RBSN: variants seen among roughly 807,000 people sequenced by gnomAD.
The protein encoded by RBSN is rabenosyn, RAB effector.
Under a neutral mutation model 60.5 loss-of-function variants are expected in RBSN, and 34 were observed. The observed-to-expected ratio is 0.56, with a 90% CI of 0.43 to 0.75. RBSN has a LOEUF of 0.75. RBSN is among the 30% of genes least tolerant of loss of function. The probability of loss-of-function intolerance (pLI) is 0.00; values close to 1 mark genes in which losing one functional copy is unlikely to be tolerated. For missense variants in RBSN, 845 were observed against 986.8 expected (o/e 0.86, Z 1.92); for synonymous variants, 322 against 366.9 (o/e 0.88, Z 1.40).
chr3:15,098,633 A>G (rs2043739316), intron 1 of RBSN, among the ~76,000 whole-genome samples: 1 of 152,230 alleles, frequency 6.6e-6, no homozygotes, highest in Non-Finnish European at 1.5e-5. Flanking sequence ...ACATCGCATG[A>G]CCACACACAA....
chr3:15,077,968 C>A lies in RBSN; in HGVS notation c.998+107G>T. ...TCCTTGCCCTCCTCCTCACCCACTG[C>A]CCCATCACCAGAAGTCTGAGTGAGT... On this transcript the variant is annotated intron_variant, in intron 11 of 13. Transcript: ENST00000253699. This position sits in a 1 kb window ranked among gnomAD's most constrained non-coding sequence, Gnocchi z 4.4. 1.1e-6 allele frequency: 1 copy of A among 942,250 alleles called. No individual in the cohort carries two copies. The allele number at this position is 942,250 out of a possible 1,614,324, so 58.4% of individuals were successfully genotyped here. A position where few individuals can be genotyped will look rare whatever the true frequency, so the allele number is the denominator to read the frequency against.
chr3:15,074,625 G>A lies in RBSN; in HGVS notation c.1512C>T (p.Ala504=). The A allele has an allele frequency of 6.2e-7, 1 of 1,614,272 alleles. No individual in the cohort carries two copies. Among genetic ancestry groups the A allele is most frequent in the Non-Finnish European group, 8.5e-7 (1 of 1,180,050 alleles). The change falls in exon 14 of 14, where the codon GCC becomes GCT. Residue 504 remains alanine (A), a synonymous_variant. Transcript: ENST00000253699. This position sits in a 1 kb window ranked among gnomAD's most constrained non-coding sequence, Gnocchi z 6.4. ...DEYDQQQTEK[A]IELSRRQAEE... ...CAGCCTGCCTCCGGGACAGCTCGATGGCCTTCTCTGTCTGCTGCTGGTCAT... is the reference window on the plus strand; with the variant it reads ...CAGCCTGCCTCCGGGACAGCTCGATAGCCTTCTCTGTCTGCTGCTGGTCAT...
rs1298585908 is a variant in RBSN at position 15,090,412 on chromosome 3, T to C, written c.276A>G (p.Glu92=). Residue 92 remains glutamate (E), a synonymous_variant, in exon 5 of 14, where the codon GAA becomes GAG. Transcript: ENST00000253699. ...GAATTTTCTTACCAAGCTCCTGGGG[T>C]TCCCACATGTAAGGATCAACCCCTC... ...SYGGVDPYMW[E]PQELGAVRSH... 1.9e-6 allele frequency: 3 copies of C among 1,612,976 alleles called. No homozygotes were observed. The highest frequency in any genetic ancestry group is 1.3e-5 in the African/African-American group (1 of 74,848).
intron 5 of RBSN, among the ~76,000 whole-genome samples, chr3:15,088,095 GA>G (rs1341454472): frequency 1.3e-5 from 2 of 152,312 alleles, no homozygotes; most frequent in African/African-American, 4.8e-5. Flanking sequence ...AACTTAATCA[GA>G]AAATCACCCT....
At chr3:15,083,463 C>T (rs1381896973) in intron 8 of RBSN, among the ~76,000 whole-genome samples, 8 of 152,318 alleles carry the variant, frequency 5.3e-5, no homozygotes, top group South Asian at 2.1e-4. Flanking sequence ...GCAACTTCTA[C>T]TCAGCTTGGT....
In RBSN at chr3:15,073,976, C is replaced by G; in HGVS notation, c.2161G>C (p.Glu721Gln). The G allele has an allele frequency of 6.2e-7, 1 of 1,614,032 alleles. No homozygotes were observed. Among genetic ancestry groups the G allele is most frequent in the Non-Finnish European group, 8.5e-7 (1 of 1,179,998 alleles). ...TCTGGCCCACTGTCACTGTCCATCT[C>G]AAAGGGGTTGATACAGGTGGGTTCC... is the stretch of plus-strand genomic sequence containing the variant. ...FEEPTCINPF[E>Q]MDSDSGPEAE... The change falls in exon 14 of 14, where the codon GAG becomes CAG. Residue 721 changes from glutamate (E) to glutamine (Q), a missense_variant. Transcript: ENST00000253699.
intron 4 of RBSN, 50 bp from the exon 5 acceptor site, chr3:15,090,589 A>G (rs750527626): frequency 8.2e-6 from 13 of 1,576,046 alleles, no homozygotes; most frequent in East Asian, 2.2e-5. Flanking sequence ...AACACCCAGT[A>G]AACAGTCAAA....
intron 12 of RBSN, 68 bp downstream of exon 12, chr3:15,076,994 G>A: frequency 7.4e-7 from 1 of 1,343,770 alleles, no homozygotes. Context: ...GCATGGATCT[G>A]CCTCCTGGGA....
Position 15,082,677 on chromosome 3 carries a change from G to A in RBSN, c.599-69C>T. 2 of 1,563,968 alleles carry A rather than the reference G, an allele frequency of 1.3e-6. No individual in the cohort carries two copies. The highest frequency in any genetic ancestry group is 2.4e-5 in the South Asian group (2 of 84,574). ...CCAATTACCATACCCACGACCTCAA[G>A]GTGTCAGTCCACAGGTGTTTGATTT... On this transcript the variant is annotated intron_variant, in intron 8 of 13. Coordinates refer to ENST00000253699, the MANE Select transcript of RBSN (RefSeq NM_022340.4). The surrounding 1 kb of genome is among the most constrained non-coding windows in gnomAD (Gnocchi z 4.2).
chr3:15,075,029 G>A, intron 13 of RBSN, 99 bp from the exon 14 acceptor site: 1 of 1,377,714 alleles, frequency 7.3e-7, no homozygotes, highest in Non-Finnish European at 9.6e-7. Context: ...CTGTGCCAGT[G>A]ACACTCCAAT....
chr3:15,097,137 A>T (rs1478071476), intron 2 of RBSN, among the ~76,000 whole-genome samples: 3 of 152,154 alleles, frequency 2.0e-5, no homozygotes, highest in Non-Finnish European at 2.9e-5. Flanking sequence ...CTGAGATTAC[A>T]GATGTGAGCC....
chr3:15,080,789 CAA>C lies in RBSN; in HGVS notation c.852_853del (p.Cys285HisfsTer5). 1 of 1,614,042 alleles carries C rather than the reference CAA, an allele frequency of 6.2e-7. No individual in the cohort carries two copies. The highest frequency in any genetic ancestry group is 8.5e-7 in the Non-Finnish European group (1 of 1,179,996). On this transcript the variant is annotated frameshift_variant, in exon 10 of 14. Coordinates refer to ENST00000253699, the MANE Select transcript of RBSN (RefSeq NM_022340.4). LOFTEE classifies it high-confidence loss of function. ...AGCTTTCTGGTCAACTTTCTCCATG[CAA>C]AGTCGTAATTTCTAAGAACAAAAAC...
At chr3:15,098,454 G>GA (rs2043728936) in intron 1 of RBSN, among the ~76,000 whole-genome samples, 180 bp from the exon 2 acceptor site, 3 of 13,332 alleles carry the variant, frequency 2.3e-4, no homozygotes, top group African/African-American at 8.2e-4. Flanking sequence ...CACGTAAAAA[G>GA]TAAAAAAAAT....
chr3:15,091,965 A>G (rs1480681371), intron 4 of RBSN, among the ~76,000 whole-genome samples: 1 of 152,206 alleles, frequency 6.6e-6, no homozygotes, highest in Non-Finnish European at 1.5e-5. Flanking sequence ...TTCCACCAGA[A>G]TCTAGTAGAA....
At chr3:15,089,465 A>C (rs1487037707) in intron 5 of RBSN, among the ~76,000 whole-genome samples, 12 of 111,952 alleles carry the variant, frequency 1.1e-4, no homozygotes, top group East Asian at 4.2e-4. Context: ...CCAAAAAAAA[A>C]AAAAAAAAAA....
In RBSN at chr3:15,073,790, T is replaced by C. The variant is rs2042974913; in HGVS notation, c.2347A>G (p.Thr783Ala). The change falls in exon 14 of 14, where the codon ACT (threonine) becomes GCT (alanine). Residue 783 changes from threonine (T) to alanine (A), a missense_variant. By Grantham distance (58) the Thr-to-Ala change is moderately conservative. Transcript: ENST00000253699. ...KHTLAKQKGGTD is the reference protein window; with the variant it reads ...KHTLAKQKGGAD ...GCCCTCTCCACTGCTGGTCAGTCAG[T>C]GCCCCCCTTCTGCTTGGCCAGGGTG... 6.2e-7 allele frequency: 1 copy of C among 1,600,780 alleles called. No homozygotes were observed. Among genetic ancestry groups the C allele is most frequent in the East Asian group, 2.2e-5 (1 of 44,846 alleles).
Position 15,073,277 on chromosome 3 carries a change from G to T in RBSN, c.*505C>A, listed in dbSNP as rs764345946. On this transcript the variant is annotated 3_prime_UTR_variant, in exon 14 of 14. Coordinates refer to ENST00000253699, the MANE Select transcript of RBSN (RefSeq NM_022340.4). ...GGCCCCAGGTGAAATGGAACTCACA[G>T]CCTACTAGGGATGGACTTCTGTCAG... 1 of 155,036 alleles carries T rather than the reference G, an allele frequency of 6.5e-6. No individual in the cohort carries two copies. The highest frequency in any genetic ancestry group is 1.4e-5 in the Non-Finnish European group (1 of 69,698). The allele number at this position is 155,036 out of a possible 1,614,324, so 9.6% of individuals were successfully genotyped here.
At chr3:15,086,750 C>T (rs571286281) in intron 5 of RBSN, among the ~76,000 whole-genome samples, 1 of 152,182 alleles carries the variant, frequency 6.6e-6, no homozygotes, top group Non-Finnish European at 1.5e-5. Flanking sequence ...GGACAATTCT[C>T]AAAATGGCCA....
rs1443639740 is a variant in RBSN at position 15,082,429 on chromosome 3, G to A, written c.778C>T (p.Leu260Phe). The change falls in exon 9 of 14, where the codon CTC (leucine) becomes TTC (phenylalanine). Residue 260 changes from leucine to phenylalanine, a missense_variant. By Grantham distance (22) the Leu-to-Phe change is conservative. Coordinates refer to ENST00000253699, the MANE Select transcript of RBSN (RefSeq NM_022340.4). The surrounding 1 kb of genome is among the most constrained non-coding windows in gnomAD (Gnocchi z 4.2). ...TCATCAATCTGCTGCTCTCTCTTGA[G>A]CAGCGTGTCCTTGCAGTGTGTACAG... The part of the protein sequence containing the change: ...RCCTHCKDTL[L>F]KREQQIDEKE... 1.9e-6 allele frequency: 3 copies of A among 1,614,060 alleles called. No individual in the cohort carries two copies. The highest frequency in any genetic ancestry group is 2.5e-6 in the Non-Finnish European group (3 of 1,180,030).
Sources: allele counts gnomAD v4.1 joint callset (sites outside exome capture counted in the v4.1 genomes callset), GRCh38; gene constraint gnomAD v4.1.1; non-coding constraint Gnocchi (gnomAD v3.1); transcripts MANE v1.5; gene names NCBI Gene and HGNC (gene_info 2026-07-23, HGNC 2026-07-21).